Variants in TTF2 observed in about 807,000 individuals in gnomAD.
TTF2 encodes transcription termination factor 2, also known as RNA polymerase II termination factor.
A neutral mutation model predicts 142.4 loss-of-function variants in TTF2; 108 were observed. The ratio of observed to expected loss-of-function variants is 0.76; its 90% CI spans 0.65 to 0.89. The LOEUF (loss-of-function observed/expected upper bound fraction) is 0.89, where lower values mean the gene tolerates loss of function less well. Ranked by LOEUF, TTF2 falls within the 40% of genes least tolerant of loss-of-function variation. The probability of loss-of-function intolerance (pLI) is 0.00; values close to 1 mark genes in which losing one functional copy is unlikely to be tolerated. For synonymous variants in TTF2, 483 were observed against 506.2 expected (o/e 0.95, Z 0.61); for missense variants, 1,327 against 1,379.8 (o/e 0.96, Z 0.61).
chr1:117,084,497 A>C (rs1254927643), intron 11 of TTF2, among the ~76,000 whole-genome samples: 1 of 152,212 alleles, frequency 6.6e-6, no homozygotes, highest in Non-Finnish European at 1.5e-5. Flanking sequence ...TTCTGATTCC[A>C]GGTGTACATA....
chr1:117,081,481 T>A (rs1192738262), intron 9 of TTF2, among the ~76,000 whole-genome samples: 1 of 152,196 alleles, frequency 6.6e-6, no homozygotes, highest in Admixed American at 6.5e-5. Flanking sequence ...ACTGGACATT[T>A]TTTGCTTTTG....
chr1:117,080,096 G>A lies in TTF2; in HGVS notation c.1783+447G>A, dbSNP rs1043539360. Among the ~76,000 whole-genome samples, 1 of 149,254 alleles carries A rather than the reference G, an allele frequency of 6.7e-6. No individual in the cohort carries two copies. The highest frequency in any genetic ancestry group is 2.0e-4 in the East Asian group (1 of 5,062). On this transcript the variant is annotated intron_variant, in intron 9 of 22. Transcript: ENST00000369466. The surrounding 1 kb of genome is among the most constrained non-coding windows in gnomAD (Gnocchi z 4.3). ...GCGATCTCGGCTCACTGCAACCTCCGCTTCCCAAGTTCAAGTGATTCTCCT... is the reference window on the plus strand; with the variant it reads ...GCGATCTCGGCTCACTGCAACCTCCACTTCCCAAGTTCAAGTGATTCTCCT...
chr1:117,102,833 C>T lies in TTF2; in HGVS notation c.*1309C>T, dbSNP rs1186519001. 3.9e-5 allele frequency: 6 copies of T among 151,922 alleles called. No individual in the cohort carries two copies. Among genetic ancestry groups the T allele is most frequent in the Non-Finnish European group, 8.8e-5 (6 of 67,960 alleles). 9.4% of individuals were successfully genotyped at this position (151,922 alleles called of 1,614,324 possible). A position where few individuals can be genotyped will look rare whatever the true frequency, so the allele number is the denominator to read the frequency against. Reference sequence around the variant, plus strand: ...AATAATACTAACAGTAGTATTGATACAATCTAATAAATAATGTGTTTGACA... The same window carrying T: ...AATAATACTAACAGTAGTATTGATATAATCTAATAAATAATGTGTTTGACA... On this transcript the variant is annotated 3_prime_UTR_variant, in exon 23 of 23. Coordinates refer to ENST00000369466, the MANE Select transcript of TTF2 (RefSeq NM_003594.4).
chr1:117,062,561 G>A, intron 3 of TTF2, 88 bp downstream of exon 3: 3 of 1,288,750 alleles, frequency 2.3e-6, no homozygotes, highest in Non-Finnish European at 2.1e-6. Flanking sequence ...TATTAGGATT[G>A]TTCTTTAAAA....
At chr1:117,064,337 A>C (rs1239301222) in intron 3 of TTF2, among the ~76,000 whole-genome samples, 1 of 272 alleles carries the variant, frequency 3.7e-3, no homozygotes, top group Non-Finnish European at 7.7e-3. Flanking sequence ...AAAAAGTGAA[A>C]AAACAAAAAA....
intron 2 of TTF2, among the ~76,000 whole-genome samples, chr1:117,061,727 C>T (rs905788073): frequency 1.3e-5 from 2 of 152,170 alleles, no homozygotes; most frequent in African/African-American, 4.8e-5. Flanking sequence ...AGGATCCCAT[C>T]TACACAAATG....
At position 117,078,017 on chromosome 1, in the gene TTF2, G is replaced by C; in HGVS notation, c.1675G>C (p.Val559Leu). 1 of 1,614,152 alleles carries C rather than the reference G, an allele frequency of 6.2e-7. No homozygotes were observed. The highest frequency in any genetic ancestry group is 8.5e-7 in the Non-Finnish European group (1 of 1,180,012). The change falls in exon 8 of 23, where the codon GTG (valine) becomes CTG (leucine). Residue 559 changes from valine to leucine, a missense_variant. Coordinates refer to ENST00000369466, the MANE Select transcript of TTF2 (RefSeq NM_003594.4). ...TGAGTCATGTCCTGGTGAGACGGTTGTGGCAGAAGATCCCGCCGGGCTGAA... is the reference window on the plus strand; with the variant it reads ...TGAGTCATGTCCTGGTGAGACGGTTCTGGCAGAAGATCCCGCCGGGCTGAA... ...SLESCPGETV[V>L]AEDPAGLKVP...
At position 117,076,445 on chromosome 1, in the gene TTF2, A is replaced by T. The variant is rs762713793; in HGVS notation, c.1390+151A>T. 26 of 917,974 alleles carry T rather than the reference A, an allele frequency of 2.8e-5. No individual in the cohort carries two copies. Among genetic ancestry groups the T allele is most frequent in the African/African-American group, 5.1e-5 (3 of 59,342 alleles). The allele number at this position is 917,974 out of a possible 1,614,324, so 56.9% of individuals were successfully genotyped here. A position where few individuals can be genotyped will look rare whatever the true frequency, so the allele number is the denominator to read the frequency against. ...TTCTTTCACATTACACCTATGGTTC[A>T]TAAAAAACTTTCTCCTGTTTCCTGT... On this transcript the variant is annotated intron_variant, in intron 6 of 22. Transcript: ENST00000369466. The surrounding 1 kb of genome is among the most constrained non-coding windows in gnomAD (Gnocchi z 4.6).
At position 117,097,835 on chromosome 1, in the gene TTF2, C is replaced by T. The variant is rs1398525714; in HGVS notation, c.3269+402C>T. 6.6e-6 allele frequency among the ~76,000 whole-genome samples: 1 copy of T among 152,070 alleles called. No individual in the cohort carries two copies. Among genetic ancestry groups the T allele is most frequent in the Non-Finnish European group, 1.5e-5 (1 of 68,018 alleles). Reference sequence around the variant, plus strand: ...TTGAAAAGAGGGAGAAGCATTACTCCAAAAAGAAAAGGAATAGGGATTTTC... The same window carrying T: ...TTGAAAAGAGGGAGAAGCATTACTCTAAAAAGAAAAGGAATAGGGATTTTC... On this transcript the variant is annotated intron_variant, in intron 21 of 22. Coordinates refer to ENST00000369466, the MANE Select transcript of TTF2 (RefSeq NM_003594.4). The surrounding 1 kb of genome is among the most constrained non-coding windows in gnomAD (Gnocchi z 4.1).
chr1:117,094,523 C>A, intron 18 of TTF2: 1 of 455,996 alleles, frequency 2.2e-6, no homozygotes, highest in East Asian at 7.0e-5. Flanking sequence ...TTGGGGAATA[C>A]CCAGGGAGCC....
chr1:117,098,382 G>C (rs1450600182), intron 21 of TTF2: 1 of 152,514 alleles, frequency 6.6e-6, no homozygotes, highest in East Asian at 1.9e-4. Context: ...TTTCCAAGTA[G>C]CAATCTGAAG....
Position 117,074,958 on chromosome 1 carries a change from C to G in TTF2, c.374C>G (p.Pro125Arg). 1 of 1,613,692 alleles carries G rather than the reference C, an allele frequency of 6.2e-7. No individual in the cohort carries two copies. The highest frequency in any genetic ancestry group is 8.5e-7 in the Non-Finnish European group (1 of 1,179,970). The change falls in exon 5 of 23, where the codon CCA becomes CGA. Residue 125 changes from proline to arginine, a missense_variant. Physicochemically the swap from Pro to Arg is moderately radical, Grantham distance 103. Transcript: ENST00000369466. ...FHHSSNWLRN[P>R]FKVLDKNQEP... is the part of the protein sequence containing the mutation. The stretch of plus-strand genomic sequence containing the variant: ...CATTCTTCCAACTGGCTGAGAAATC[C>G]ATTCAAGGTACTTGACAAGAATCAA...
At chr1:117,082,537 T>C (rs896546518) in intron 10 of TTF2, among the ~76,000 whole-genome samples, 2 of 152,162 alleles carry the variant, frequency 1.3e-5, no homozygotes, top group African/African-American at 2.4e-5. Context: ...TTGGAAATAT[T>C]GGGGAAATAA....
At position 117,091,842 on chromosome 1, in the gene TTF2, G is replaced by T. The variant is rs368883921; in HGVS notation, c.2697G>T (p.Glu899Asp). The T allele has an allele frequency of 3.7e-6, 6 of 1,613,486 alleles. No homozygotes were observed. Among genetic ancestry groups the T allele is most frequent in the African/African-American group, 1.3e-5 (1 of 74,836 alleles). The change falls in exon 17 of 23, where the codon GAG becomes GAT. Residue 899 changes from glutamate (E) to aspartate (D), a missense_variant. Transcript: ENST00000369466. ...TGGCACTGGAGTTTGGGTCTGAGGA[G>T]CCTAGACACTCGGAGGCAGCAGACT... ...SRVALEFGSEEPRHSEAADSP... is the reference protein window; with the variant it reads ...SRVALEFGSEDPRHSEAADSP...
chr1:117,078,043 GGTGA>G lies in TTF2; in HGVS notation c.1701+2_1701+5del. ...TGGCAGAAGATCCCGCCGGGCTGAA[GGTGA>G]GCCAGGGAAGACTCCTGGTGTAGTC... On this transcript the variant is annotated splice_donor_variant and splice_donor_region_variant and intron_variant, in intron 8 of 22. Coordinates refer to ENST00000369466, the MANE Select transcript of TTF2 (RefSeq NM_003594.4). LOFTEE classifies it high-confidence loss of function. The G allele has an allele frequency of 6.2e-7, 1 of 1,613,714 alleles. No individual in the cohort carries two copies. The highest frequency in any genetic ancestry group is 1.1e-5 in the South Asian group (1 of 91,038).
At position 117,091,869 on chromosome 1, in the gene TTF2, A is replaced by C. The variant is rs1374925730; in HGVS notation, c.2724A>C (p.Ser908=). The C allele has an allele frequency of 1.2e-6, 2 of 1,613,210 alleles. No individual in the cohort carries two copies. Among genetic ancestry groups the C allele is most frequent in the South Asian group, 2.2e-5 (2 of 90,972 alleles). The change falls in exon 17 of 23, where the codon TCA becomes TCC. Residue 908 remains serine (S), a synonymous_variant. Coordinates refer to ENST00000369466, the MANE Select transcript of TTF2 (RefSeq NM_003594.4). ...EEPRHSEAAD[S]PRSSTVHILS... ...CTAGACACTCGGAGGCAGCAGACTC[A>C]CCGAGATCCAGCACCGTCCACATAC...
At position 117,105,597 on chromosome 1, in the gene TTF2, A is replaced by G. The variant is rs1005856454; in HGVS notation, c.*4073A>G. The G allele has an allele frequency of 5.3e-5, 8 of 152,218 alleles. No individual in the cohort carries two copies. The highest frequency in any genetic ancestry group is 3.3e-4 in the Admixed American group (5 of 15,274). The allele number at this position is 152,218 out of a possible 1,614,324, so 9.4% of individuals were successfully genotyped here. The stretch of plus-strand genomic sequence containing the variant: ...CCAGGCGTGATGTTGGGTGCCTGTA[A>G]TTGCAGCTACTCGGGAGGCTGAGGC... On this transcript the variant is annotated 3_prime_UTR_variant, in exon 23 of 23. Transcript: ENST00000369466. The surrounding 1 kb of genome is among the most constrained non-coding windows in gnomAD (Gnocchi z 4.7).
intron 19 of TTF2, among the ~76,000 whole-genome samples, chr1:117,095,674 A>G (rs1649063444): frequency 6.6e-6 from 1 of 152,240 alleles, no homozygotes; most frequent in African/African-American, 2.4e-5. Context: ...ACTTGGATAC[A>G]AGGACTCATT....
In TTF2 at chr1:117,105,892, CTG is replaced by C. The variant is rs1360974942; in HGVS notation, c.*4370_*4371del. The C allele has an allele frequency of 1.3e-5, 2 of 152,096 alleles. No individual in the cohort carries two copies. The highest frequency in any genetic ancestry group is 2.1e-4 in the South Asian group (1 of 4,830). 9.4% of individuals were successfully genotyped at this position (152,096 alleles called of 1,614,324 possible). ...TGAGTTGTTTCCTTGCTCTGATTGT[CTG>C]TTGCTCAATGAAATGGCTTTTAGCA... On this transcript the variant is annotated 3_prime_UTR_variant, in exon 23 of 23. Transcript: ENST00000369466. The surrounding 1 kb of genome is among the most constrained non-coding windows in gnomAD (Gnocchi z 4.7).
Sources: allele counts gnomAD v4.1 joint callset (sites outside exome capture counted in the v4.1 genomes callset), GRCh38; gene constraint gnomAD v4.1.1; non-coding constraint Gnocchi (gnomAD v3.1); transcripts MANE v1.5; gene names NCBI Gene and HGNC (gene_info 2026-07-23, HGNC 2026-07-21).